MAP3K14: variants seen among roughly 807,000 people sequenced by gnomAD.
The protein encoded by MAP3K14 is mitogen-activated protein kinase kinase kinase 14.
MAP3K14 carries 16 observed loss-of-function variants against 99.2 expected under a neutral mutation model. The ratio of observed to expected loss-of-function variants is 0.16; its 90% CI spans 0.11 to 0.24. The LOEUF is 0.24. MAP3K14 is among the 10% of genes least tolerant of loss of function. The pLI is 1.00. For synonymous variants in MAP3K14, 462 were observed against 492.4 expected (o/e 0.94, Z 0.82); for missense variants, 784 against 1,208.7 (o/e 0.65, Z 5.21).
intron 5 of MAP3K14, among the ~76,000 whole-genome samples, chr17:45,285,582 T>C (rs2044257485): frequency 6.6e-6 from 1 of 151,964 alleles, no homozygotes; most frequent in Non-Finnish European, 1.5e-5. Flanking sequence ...GCTGTTATAG[T>C]GCCACTACAC....
intron 6 of MAP3K14, among the ~76,000 whole-genome samples, chr17:45,278,940 A>G (rs1435768125): frequency 4.6e-5 from 7 of 152,068 alleles, no homozygotes; most frequent in African/African-American, 1.7e-4. Context: ...TGAGATTACA[A>G]GTGTGAGCCA....
At chr17:45,309,174 C>A (rs977370027) in intron 1 of MAP3K14, among the ~76,000 whole-genome samples, 1 of 152,174 alleles carries the variant, frequency 6.6e-6, no homozygotes, top group Non-Finnish European at 1.5e-5. Flanking sequence ...CACTTCTTTC[C>A]CCCAGAGTGC....
At chr17:45,300,846 T>TA (rs144161003) in intron 1 of MAP3K14, among the ~76,000 whole-genome samples, 49,908 of 151,392 alleles carry the variant, frequency 0.33, 8,559 homozygotes, top group East Asian at 0.64. Flanking sequence ...AGGGAACAAA[T>TA]TAAAAAAAAC....
chr17:45,291,359 A>G (rs1394172766), intron 1 of MAP3K14, among the ~76,000 whole-genome samples: 1 of 152,106 alleles, frequency 6.6e-6, no homozygotes, highest in Non-Finnish European at 1.5e-5. Flanking sequence ...AATGGTGCTC[A>G]GCACGTGGTT....
rs906821669 is a variant in MAP3K14, at chr17:45,272,682, G to A, written c.1657+821C>T. Among the ~76,000 whole-genome samples, 4 of 152,216 alleles carry A rather than the reference G, an allele frequency of 2.6e-5. No homozygotes were observed. Among genetic ancestry groups the A allele is most frequent in the African/African-American group, 9.6e-5 (4 of 41,452 alleles). Reference sequence around the variant, plus strand: ...CGGCCGGGCACGGAGGCTCATGCCTGTAATTCCAGCACTTTGGGAGGCTGA... The same window carrying A: ...CGGCCGGGCACGGAGGCTCATGCCTATAATTCCAGCACTTTGGGAGGCTGA... On this transcript the variant is annotated intron_variant, in intron 9 of 15. Transcript: ENST00000344686. The surrounding 1 kb of genome is among the most constrained non-coding windows in gnomAD (Gnocchi z 4.1).
intron 1 of MAP3K14, among the ~76,000 whole-genome samples, chr17:45,311,604 T>C (rs1159774698): frequency 6.6e-6 from 1 of 152,124 alleles, no homozygotes; most frequent in Non-Finnish European, 1.5e-5. Context: ...TGCTTCTTTC[T>C]TGGTACAAAT....
At chr17:45,268,794 C>T (rs558703852) in intron 11 of MAP3K14, among the ~76,000 whole-genome samples, 3 of 152,222 alleles carry the variant, frequency 2.0e-5, no homozygotes, top group South Asian at 4.1e-4. Flanking sequence ...CGTCCTCAGG[C>T]GTGTCCCCAT....
intron 1 of MAP3K14, among the ~76,000 whole-genome samples, chr17:45,302,892 T>G (rs2044401353): frequency 6.6e-6 from 1 of 152,246 alleles, no homozygotes; most frequent in Admixed American, 6.5e-5. Flanking sequence ...TCCTTCCTGG[T>G]TTTGGTTTTC....
chr17:45,269,575 TC>T (rs964502806), intron 11 of MAP3K14, among the ~76,000 whole-genome samples: 4 of 152,132 alleles, frequency 2.6e-5, no homozygotes, highest in African/African-American at 9.7e-5. Flanking sequence ...CATCCCACCA[TC>T]CCACGTACTG....
chr17:45,295,763 C>T (rs1320175961), intron 1 of MAP3K14, among the ~76,000 whole-genome samples: 10 of 152,158 alleles, frequency 6.6e-5, no homozygotes, highest in Admixed American at 3.3e-4. Flanking sequence ...TTTTGAAGAC[C>T]GAATGAAGAC....
chr17:45,265,203 C>T lies in MAP3K14; in HGVS notation c.2639G>A (p.Arg880Gln), dbSNP rs772349799. 9 of 1,613,934 alleles carry T rather than the reference C, an allele frequency of 5.6e-6. No individual in the cohort carries two copies. The highest frequency in any genetic ancestry group is 2.2e-5 in the South Asian group (2 of 91,084). Residue 880 changes from arginine (R) to glutamine (Q), a missense_variant, in exon 15 of 16, where the codon CGG becomes CAG. Arg to Gln is a conservative substitution (Grantham distance 43, BLOSUM62 1). Coordinates refer to ENST00000344686, the MANE Select transcript of MAP3K14 (RefSeq NM_003954.5). ...GEHLHIREFHRVKVGDIATGI... is the reference protein window; with the variant it reads ...GEHLHIREFHQVKVGDIATGI... ...AGTGGCGATGTCTCCCACTTTGACC[C>T]GGTGGAACTCCCGGATGTGCAGGTG...
Position 45,286,464 on chromosome 17 carries a change from T to C in MAP3K14, c.1119A>G (p.Lys373=), listed in dbSNP as rs1239149451. ...GCAGGACACCCTCGTTGTCCTCAGTTTTGGGGCTGGGCTCCCGGGATCTGG... is the reference window on the plus strand; with the variant it reads ...GCAGGACACCCTCGTTGTCCTCAGTCTTGGGGCTGGGCTCCCGGGATCTGG... ...RGSRSREPSP[K]TEDNEGVLLT... The change falls in exon 5 of 16, where the codon AAA becomes AAG. Residue 373 remains lysine (K), a synonymous_variant. Transcript: ENST00000344686. The surrounding 1 kb of genome is among the most constrained non-coding windows in gnomAD (Gnocchi z 4.1). 1 of 1,601,536 alleles carries C rather than the reference T, an allele frequency of 6.2e-7. No homozygotes were observed. The highest frequency in any genetic ancestry group is 8.5e-7 in the Non-Finnish European group (1 of 1,172,694).
At position 45,284,922 on chromosome 17, in the gene MAP3K14, G is replaced by T. The variant is rs377045638; in HGVS notation, c.1180C>A (p.Arg394=). 5.1e-6 allele frequency: 8 copies of T among 1,553,516 alleles called. No individual in the cohort carries two copies. The highest frequency in any genetic ancestry group is 6.1e-6 in the Non-Finnish European group (7 of 1,148,130). The change falls in exon 6 of 16, where the codon CGA becomes AGA. Residue 394 remains arginine (R), a synonymous_variant. Coordinates refer to ENST00000344686, the MANE Select transcript of MAP3K14 (RefSeq NM_003954.5). The part of the protein sequence containing the change: ...EKLKPVDYEY[R]EEVHWATHQL... ...TGCGTGGCCCAGTGGACTTCTTCTC[G>T]GTACTCATAATCCACTGGCTTGAGT...
chr17:45,307,183 G>A (rs1481744445), intron 1 of MAP3K14, among the ~76,000 whole-genome samples: 9 of 152,004 alleles, frequency 5.9e-5, no homozygotes, highest in Non-Finnish European at 4.4e-5. Context: ...GCTTGAACCC[G>A]GGAGGTGGAG....
chr17:45,265,874 T>TG (rs1208560318), intron 14 of MAP3K14, among the ~76,000 whole-genome samples: 2 of 152,252 alleles, frequency 1.3e-5, no homozygotes, highest in Non-Finnish European at 2.9e-5. Context: ...CTGGCTCCTA[T>TG]GGGGAAGTAG....
intron 2 of MAP3K14, among the ~76,000 whole-genome samples, chr17:45,289,624 C>T (rs2044295089): frequency 6.6e-6 from 1 of 152,222 alleles, no homozygotes; most frequent in Admixed American, 6.5e-5. Context: ...ATGCTCAACA[C>T]AGTGCCTGGC....
At position 45,273,634 on chromosome 17, in the gene MAP3K14, G is replaced by A. The variant is rs76646666; in HGVS notation, c.1553-27C>T. The A allele has an allele frequency of 2.7e-4, 432 of 1,571,204 alleles. 1 individual carries two copies. In the African/African-American group the frequency reaches 5.1e-3, roughly 19 times the overall value. On this transcript the variant is annotated intron_variant, in intron 8 of 15. Transcript: ENST00000344686. ...TGCCAGGCCGCCCCGGGGAGGAAGAGGAACAGGTGAGTCATGCCGGGTCCC... is the reference window on the plus strand; with the variant it reads ...TGCCAGGCCGCCCCGGGGAGGAAGAAGAACAGGTGAGTCATGCCGGGTCCC...
At chr17:45,276,838 T>A (rs1412409901) in intron 6 of MAP3K14, among the ~76,000 whole-genome samples, 3 of 132,940 alleles carry the variant, frequency 2.3e-5, no homozygotes, top group Non-Finnish European at 1.6e-5. Context: ...TTTTTTTTTT[T>A]TTTTTTTTGA....
intron 6 of MAP3K14, among the ~76,000 whole-genome samples, chr17:45,283,409 G>A (rs750151609): frequency 5.9e-5 from 9 of 152,206 alleles, no homozygotes; most frequent in African/African-American, 9.6e-5. Flanking sequence ...TGGTGAGGGC[G>A]GAGTTTTCGT....
Sources: gnomAD v4.1 joint callset for allele counts (sites outside exome capture counted in the v4.1 genomes callset) on GRCh38, gnomAD v4.1.1 for gene constraint, Gnocchi (gnomAD v3.1) non-coding constraint, MANE v1.5 for transcripts, NCBI Gene and HGNC (gene_info 2026-07-23, HGNC 2026-07-21) for gene names.